MB21D2: variants seen among roughly 807,000 people sequenced by gnomAD.
The protein encoded by MB21D2 is Mab-21 domain containing 2, also known as nucleotidyltransferase MB21D2.
Under a neutral mutation model 33.3 loss-of-function variants are expected in MB21D2, and 9 were observed. That is an observed-to-expected ratio of 0.27 (90% CI 0.16 to 0.47). The LOEUF (loss-of-function observed/expected upper bound fraction) is 0.47, where lower values mean the gene tolerates loss of function less well. Among genes scored for constraint, MB21D2 ranks in the 20% least tolerant of loss-of-function variants. The probability of loss-of-function intolerance (pLI) is 0.99; values close to 1 mark genes in which losing one functional copy is unlikely to be tolerated. For synonymous variants in MB21D2, 241 were observed against 236.3 expected, an observed-to-expected ratio of 1.02 and a Z score of -0.18; for missense variants, 540 against 624.6, an observed-to-expected ratio of 0.86 and a Z score of 1.44.
chr3:192,855,794 T>G (rs1248822706), intron 1 of MB21D2, among the ~76,000 whole-genome samples: 1 of 152,198 alleles, frequency 6.6e-6, no homozygotes, highest in Non-Finnish European at 1.5e-5. Context: ...CAAGACAGTC[T>G]GGGCATGGTG....
chr3:192,853,776 G>A (rs939245944), intron 1 of MB21D2, among the ~76,000 whole-genome samples: 49 of 152,258 alleles, frequency 3.2e-4, no homozygotes, highest in African/African-American at 1.2e-3. Flanking sequence ...CCTGCATCGA[G>A]CAAGTGAGCA....
Position 192,799,738 on chromosome 3 carries a change from A to G in MB21D2, c.212-88T>C. On this transcript the variant is annotated intron_variant, in intron 1 of 1. Transcript: ENST00000392452. The surrounding 1 kb of genome is among the most constrained non-coding windows in gnomAD (Gnocchi z 4.1). ...ATGAAACAGAATGCTCTGATGTTCC[A>G]AGAACCAAAACTCATTATCAGTACT... The G allele has an allele frequency of 7.2e-7, 1 of 1,383,620 alleles. No homozygotes were observed. Among genetic ancestry groups the G allele is most frequent in the Non-Finnish European group, 9.6e-7 (1 of 1,040,980 alleles). 85.7% of individuals were successfully genotyped at this position (1,383,620 alleles called of 1,614,324 possible).
chr3:192,850,491 G>A (rs1462396040), intron 1 of MB21D2, among the ~76,000 whole-genome samples: 1 of 152,164 alleles, frequency 6.6e-6, no homozygotes, highest in East Asian at 1.9e-4. Flanking sequence ...TCGCATGTGT[G>A]GTGAGCCGGG....
intron 1 of MB21D2, among the ~76,000 whole-genome samples, chr3:192,834,983 T>C (rs1712401859): frequency 1.3e-5 from 2 of 150,998 alleles, no homozygotes; most frequent in Non-Finnish European, 3.0e-5. Flanking sequence ...CTAATTTTTG[T>C]ATTTTTAGTA....
At chr3:192,810,653 T>C (rs143864216) in intron 1 of MB21D2, among the ~76,000 whole-genome samples, 3 of 152,344 alleles carry the variant, frequency 2.0e-5, no homozygotes, top group African/African-American at 7.2e-5. Context: ...TCAACAATTA[T>C]GTTTGCCATT....
In MB21D2 at chr3:192,883,120, G is replaced by C. The variant is rs141975733; in HGVS notation, c.211+34510C>G. ...TGATCTCAGGTAATCCACCCGTCTCGGCCTCCCAAAGTGCTGGGACGACAG... is the reference window on the plus strand; with the variant it reads ...TGATCTCAGGTAATCCACCCGTCTCCGCCTCCCAAAGTGCTGGGACGACAG... On this transcript the variant is annotated intron_variant, in intron 1 of 1. Coordinates refer to ENST00000392452, the MANE Select transcript of MB21D2 (RefSeq NM_178496.4). Among the ~76,000 whole-genome samples, 119 of 151,982 alleles carry C rather than the reference G, an allele frequency of 7.8e-4. 1 individual carries two copies. The highest frequency in any genetic ancestry group is 2.6e-3 in the African/African-American group (109 of 41,382).
intron 1 of MB21D2, among the ~76,000 whole-genome samples, chr3:192,867,186 C>A (rs1199650717): frequency 6.6e-6 from 1 of 152,082 alleles, no homozygotes; most frequent in Non-Finnish European, 1.5e-5. Context: ...AAATAAGGAG[C>A]TGTAATCTTC....
intron 1 of MB21D2, among the ~76,000 whole-genome samples, chr3:192,849,910 T>C (rs1712762057): frequency 6.8e-6 from 1 of 146,764 alleles, no homozygotes; most frequent in Non-Finnish European, 1.5e-5. Context: ...AAACATGTCA[T>C]ATAAAAATTT....
intron 1 of MB21D2, among the ~76,000 whole-genome samples, chr3:192,892,472 TAG>T (rs1234338704): frequency 1.3e-5 from 2 of 152,332 alleles, no homozygotes; most frequent in African/African-American, 2.4e-5. Flanking sequence ...TTATTTGGGA[TAG>T]AGTTTCGCTG....
chr3:192,839,513 C>T (rs980005983), intron 1 of MB21D2, among the ~76,000 whole-genome samples: 1 of 152,138 alleles, frequency 6.6e-6, no homozygotes, highest in African/African-American at 2.4e-5. Context: ...GTTTAAATGT[C>T]CATTTACATT....
At chr3:192,887,156 AC>A (rs1713750186) in intron 1 of MB21D2, among the ~76,000 whole-genome samples, 1 of 152,070 alleles carries the variant, frequency 6.6e-6, no homozygotes, top group Admixed American at 6.5e-5. Flanking sequence ...AATGAACTTT[AC>A]TTTTTAAGAG....
In MB21D2 at chr3:192,799,290, G is replaced by C. The variant is rs1711506721; in HGVS notation, c.572C>G (p.Ser191Cys). The change falls in exon 2 of 2, where the codon TCT (serine) becomes TGT (cysteine). Residue 191 changes from serine to cysteine, a missense_variant. Physicochemically the swap from Ser to Cys is moderately radical, Grantham distance 112. Transcript: ENST00000392452. This position sits in a 1 kb window ranked among gnomAD's most constrained non-coding sequence, Gnocchi z 4.1. ...PTKVADWFYD[S>C]ISIVLSEIQK... ...TATTTCTGATAGGACAATGCTGATAGAGTCATAGAACCAGTCAGCCACTTT... is the reference window on the plus strand; with the variant it reads ...TATTTCTGATAGGACAATGCTGATACAGTCATAGAACCAGTCAGCCACTTT... The C allele has an allele frequency of 6.2e-7, 1 of 1,614,210 alleles. No homozygotes were observed. Among genetic ancestry groups the C allele is most frequent in the South Asian group, 1.1e-5 (1 of 91,084 alleles).
rs1417366388 is a variant in MB21D2, at chr3:192,798,018, A to T, written c.*368T>A. ...AAATAATAGGATAGAATCGTTAAGC[A>T]TCAGAAAGAGATTTGTTTCCCCATA... On this transcript the variant is annotated 3_prime_UTR_variant, in exon 2 of 2. Coordinates refer to ENST00000392452, the MANE Select transcript of MB21D2 (RefSeq NM_178496.4). The surrounding 1 kb of genome is among the most constrained non-coding windows in gnomAD (Gnocchi z 4.8). 1 of 176,454 alleles carries T rather than the reference A, an allele frequency of 5.7e-6. No homozygotes were observed. The highest frequency in any genetic ancestry group is 1.2e-5 in the Non-Finnish European group (1 of 82,674). The allele number at this position is 176,454 out of a possible 1,614,324, so 10.9% of individuals were successfully genotyped here.
chr3:192,897,973 T>A lies in MB21D2; in HGVS notation c.211+19657A>T, dbSNP rs536030486. Among the ~76,000 whole-genome samples the A allele has an allele frequency of 5.9e-5, 9 of 151,634 alleles. No homozygotes were observed. In the East Asian group the frequency reaches 7.8e-4, roughly 13 times the overall value. ...GACCCTGTCTCAATAAAAAAAAAAATTTTAAAAATAAAGGACCAATACTAA... is the reference window on the plus strand; with the variant it reads ...GACCCTGTCTCAATAAAAAAAAAAAATTTAAAAATAAAGGACCAATACTAA... On this transcript the variant is annotated intron_variant, in intron 1 of 1. Coordinates refer to ENST00000392452, the MANE Select transcript of MB21D2 (RefSeq NM_178496.4).
chr3:192,898,141 C>A (rs1389895618), intron 1 of MB21D2, among the ~76,000 whole-genome samples: 2 of 140,364 alleles, frequency 1.4e-5, no homozygotes, highest in Non-Finnish European at 3.1e-5. Flanking sequence ...TAATTAAATT[C>A]ACAGTAGCAT....
In MB21D2 at chr3:192,801,635, G is replaced by A. The variant is rs944700451; in HGVS notation, c.212-1985C>T. On this transcript the variant is annotated intron_variant, in intron 1 of 1. Transcript: ENST00000392452. Reference sequence around the variant, plus strand: ...CTGCCATGTGAGGACACAGTGAGAAGACAGCCATCTATGAACCAGGAAGCT... The same window carrying A: ...CTGCCATGTGAGGACACAGTGAGAAAACAGCCATCTATGAACCAGGAAGCT... Among the ~76,000 whole-genome samples, 9 of 152,130 alleles carry A rather than the reference G, an allele frequency of 5.9e-5. No individual in the cohort carries two copies. The East Asian group carries it at 1.7e-3, about 29-fold the overall frequency.
intron 1 of MB21D2, among the ~76,000 whole-genome samples, chr3:192,832,142 G>C (rs1712328824): frequency 6.6e-6 from 1 of 152,224 alleles, no homozygotes; most frequent in African/African-American, 2.4e-5. Flanking sequence ...TAGAGACTCT[G>C]ATTCAGTAAA....
Position 192,804,864 on chromosome 3 carries a change from G to C in MB21D2, c.212-5214C>G, listed in dbSNP as rs114025115. 9.1e-3 allele frequency among the ~76,000 whole-genome samples: 1,389 copies of C among 152,318 alleles called. 32 individuals are homozygous for C. The highest frequency in any genetic ancestry group is 0.03 in the African/African-American group (1,267 of 41,566). ...TTTTGTCAAGCTTACCTGACATTCT[G>C]AGGAACGTCTGAGATGTGGGCATAG... On this transcript the variant is annotated intron_variant, in intron 1 of 1. Transcript: ENST00000392452.
At chr3:192,872,530 C>T (rs943600763) in intron 1 of MB21D2, among the ~76,000 whole-genome samples, 97 of 150,076 alleles carry the variant, frequency 6.5e-4, no homozygotes, top group Middle Eastern at 3.5e-3. Flanking sequence ...GAGCCGAGAT[C>T]GCGCCACTGC....
Sources: allele counts gnomAD v4.1 joint callset (sites outside exome capture counted in the v4.1 genomes callset), GRCh38; gene constraint gnomAD v4.1.1; non-coding constraint Gnocchi (gnomAD v3.1); transcripts MANE v1.5; gene names NCBI Gene and HGNC (gene_info 2026-07-23, HGNC 2026-07-21).